C6orf163: variants seen among roughly 807,000 people sequenced by gnomAD.
C6orf163 encodes the protein chromosome 6 open reading frame 163, also known as uncharacterized protein C6orf163.
In C6orf163, 22 loss-of-function variants were observed where a neutral mutation model predicts 28.4. The ratio of observed to expected loss-of-function variants is 0.78; its 90% CI spans 0.55 to 1.11. C6orf163 has a LOEUF of 1.11. C6orf163 is among the 50% of genes least tolerant of loss of function. The pLI, the probability that C6orf163 is intolerant of heterozygous loss-of-function variation, is 0.00. For synonymous variants in C6orf163, 110 were observed against 123.6 expected (o/e 0.89, Z 0.73); for missense variants, 342 against 389.1 (o/e 0.88, Z 1.02).
Position 87,365,104 on chromosome 6 carries a change from A to G in C6orf163, c.698A>G (p.Gln233Arg), listed in dbSNP as rs1481824272. The change falls in exon 5 of 5, where the codon CAG becomes CGG. Residue 233 changes from glutamine (Q) to arginine (R), a missense_variant. Transcript: ENST00000388923. ...CAGAGGCAGAGGCAAGAAGAGGTACAGGAAGTGCTTCAAGAAGCAGAGAAA... is the reference window on the plus strand; with the variant it reads ...CAGAGGCAGAGGCAAGAAGAGGTACGGGAAGTGCTTCAAGAAGCAGAGAAA... ...IAQRQRQEEV[Q>R]EVLQEAEKTH... is the part of the protein sequence containing the mutation. 6.4e-7 allele frequency: 1 copy of G among 1,552,098 alleles called. No individual in the cohort carries two copies. Among genetic ancestry groups the G allele is most frequent in the South Asian group, 1.2e-5 (1 of 84,062 alleles).
At chr6:87,364,170 A>G (rs1777615330) in intron 4 of C6orf163, among the ~76,000 whole-genome samples, 1 of 152,090 alleles carries the variant, frequency 6.6e-6, no homozygotes, top group African/African-American at 2.4e-5. Context: ...CTGTAATCCC[A>G]GCTACTCTGG....
In C6orf163 at chr6:87,348,906, G is replaced by A; in HGVS notation, c.243G>A (p.Gln81=). ...AAGCAGAAGCTGAAGTATGGGCTCA[G>A]GTAAAAGAAGTTACATGTCAACCTA... is the stretch of plus-strand genomic sequence containing the variant. The part of the protein sequence containing the change: ...IAKAEAEVWA[Q]ANERQKQAVE... Residue 81 remains glutamine (Q), a splice_region_variant and synonymous_variant, in exon 2 of 5, where the codon CAG becomes CAA. Coordinates refer to ENST00000388923, the MANE Select transcript of C6orf163 (RefSeq NM_001010868.3). 2 of 1,536,278 alleles carry A rather than the reference G, an allele frequency of 1.3e-6. No individual in the cohort carries two copies. The highest frequency in any genetic ancestry group is 1.7e-6 in the Non-Finnish European group (2 of 1,146,690).
intron 2 of C6orf163, 86 bp from the exon 3 acceptor site, chr6:87,350,308 C>G: frequency 1.2e-6 from 1 of 813,680 alleles, no homozygotes; most frequent in East Asian, 2.8e-5. Flanking sequence ...AACTTGAAAA[C>G]CTGATTTACC....
intron 2 of C6orf163, among the ~76,000 whole-genome samples, chr6:87,349,900 G>GT (rs953538711): frequency 1.3e-5 from 2 of 152,192 alleles, no homozygotes; most frequent in Admixed American, 6.5e-5. Flanking sequence ...TTGAATGTAA[G>GT]TTGGTCTAAT....
At chr6:87,351,843 C>T (rs985703223) in intron 3 of C6orf163, among the ~76,000 whole-genome samples, 2 of 152,212 alleles carry the variant, frequency 1.3e-5, no homozygotes, top group Non-Finnish European at 2.9e-5. Context: ...GCTCTAGTTC[C>T]CTGCTATAAT....
rs756190189 is a variant in C6orf163, at chr6:87,365,346, A to C, written c.940A>C (p.Lys314Gln). 1.2e-5 allele frequency: 18 copies of C among 1,550,606 alleles called. No individual in the cohort carries two copies. In the South Asian group the frequency reaches 2.0e-4, roughly 17 times the overall value. Reference protein sequence around the residue: ...HADFILPERKKTPSNLVIKEN... With the variant: ...HADFILPERKQTPSNLVIKEN... Reference sequence around the variant, plus strand: ...AGATTTTATTCTGCCAGAAAGAAAGAAAACACCTTCTAATCTTGTTATTAA... The same window carrying C: ...AGATTTTATTCTGCCAGAAAGAAAGCAAACACCTTCTAATCTTGTTATTAA... The change falls in exon 5 of 5, where the codon AAA becomes CAA. Residue 314 changes from lysine (K) to glutamine (Q), a missense_variant. By Grantham distance (53) the Lys-to-Gln change is moderately conservative. Coordinates refer to ENST00000388923, the MANE Select transcript of C6orf163 (RefSeq NM_001010868.3).
chr6:87,349,453 A>G (rs1221523637), intron 2 of C6orf163, among the ~76,000 whole-genome samples: 1 of 152,072 alleles, frequency 6.6e-6, no homozygotes, highest in Non-Finnish European at 1.5e-5. Context: ...GCTGAGCACT[A>G]TAAGGGCAAT....
chr6:87,349,655 A>G (rs1777381415), intron 2 of C6orf163, among the ~76,000 whole-genome samples: 1 of 152,238 alleles, frequency 6.6e-6, no homozygotes, highest in South Asian at 2.1e-4. Context: ...CATTATAGCA[A>G]ATAGTATTAG....
chr6:87,356,487 A>G lies in C6orf163; in HGVS notation c.538A>G (p.Ile180Val). The G allele has an allele frequency of 6.4e-7, 1 of 1,551,620 alleles. No individual in the cohort carries two copies. The highest frequency in any genetic ancestry group is 8.7e-7 in the Non-Finnish European group (1 of 1,146,948). The change falls in exon 4 of 5, where the codon ATC becomes GTC. Residue 180 changes from isoleucine (I) to valine (V), a missense_variant. Ile to Val is a conservative substitution (Grantham distance 29, BLOSUM62 3). Coordinates refer to ENST00000388923, the MANE Select transcript of C6orf163 (RefSeq NM_001010868.3). ...AGAAAGACACATCGCCCAGGAAGCA[A>G]TCCAGGCCCAGAAAAGGTATTCCAG... Reference protein sequence around the residue: ...AEERHIAQEAIQAQKSKAVEE... With the variant: ...AEERHIAQEAVQAQKSKAVEE...
At chr6:87,347,446 C>T in intron 1 of C6orf163, 5 of 985,340 alleles carry the variant, frequency 5.1e-6, no homozygotes, top group Non-Finnish European at 6.0e-6. Flanking sequence ...TTATGAAGTT[C>T]AATACGTTGA....
intron 2 of C6orf163, 90 bp downstream of exon 2, chr6:87,348,996 C>T: frequency 6.9e-7 from 1 of 1,453,764 alleles, no homozygotes; most frequent in Non-Finnish European, 9.1e-7. Context: ...GTGTAGTAGT[C>T]AGAACTGACT....
chr6:87,356,781 ATCT>A (rs1204933702), intron 4 of C6orf163: 10 of 331,802 alleles, frequency 3.0e-5, no homozygotes, highest in African/African-American at 1.2e-4. Flanking sequence ...CCTCAATCAT[ATCT>A]TCTTCTTGTC....
Position 87,350,408 on chromosome 6 carries a change from A to G in C6orf163, c.258A>G (p.Gln86=), listed in dbSNP as rs1411729056. The G allele has an allele frequency of 1.1e-5, 17 of 1,532,932 alleles. 2 individuals are homozygous for G. The South Asian group carries it at 1.7e-4, about 15-fold the overall frequency. 95.0% of individuals were successfully genotyped at this position (1,532,932 alleles called of 1,614,324 possible). A position where few individuals can be genotyped will look rare whatever the true frequency, so the allele number is the denominator to read the frequency against. ...AEVWAQANER[Q]KQAVEKALEE... ...TTCTTTCAAAGGCTAATGAACGTCAAAAACAAGCAGTGGAGAAAGCACTTG... is the reference window on the plus strand; with the variant it reads ...TTCTTTCAAAGGCTAATGAACGTCAGAAACAAGCAGTGGAGAAAGCACTTG... Residue 86 remains glutamine, a synonymous_variant, in exon 3 of 5, where the codon CAA becomes CAG. Coordinates refer to ENST00000388923, the MANE Select transcript of C6orf163 (RefSeq NM_001010868.3).
intron 4 of C6orf163, among the ~76,000 whole-genome samples, chr6:87,360,912 G>A (rs557843472): frequency 1.2e-4 from 18 of 152,172 alleles, no homozygotes; most frequent in South Asian, 2.1e-4. Context: ...CACCCTCGAC[G>A]CACTGCACCC....
At chr6:87,347,431 C>G (rs1348005655) in intron 1 of C6orf163, 1 of 985,244 alleles carries the variant, frequency 1.0e-6, no homozygotes, top group Admixed American at 6.1e-5. Context: ...ACTTGTATCA[C>G]ATTTTTATGA....
chr6:87,345,343 A>G (rs967894390), intron 1 of C6orf163, 96 bp downstream of exon 1: 5 of 1,255,402 alleles, frequency 4.0e-6, no homozygotes, highest in Admixed American at 6.4e-5. Context: ...TTTTCTCTTC[A>G]GAGTTGCTTG....
At chr6:87,346,826 T>C (rs1349064041) in intron 1 of C6orf163, among the ~76,000 whole-genome samples, 1 of 152,228 alleles carries the variant, frequency 6.6e-6, no homozygotes, top group Non-Finnish European at 1.5e-5. Context: ...AAATAACCTT[T>C]TTTATTTCAA....
rs921630867 is a variant in C6orf163, at chr6:87,363,331, T to TG, written c.555-1630_555-1629insG. ...ATGACATTAAAACTATTTTCTTTTT[T>TG]TTTTTCCAAATTTTTTAAAAAATTA... On this transcript the variant is annotated intron_variant, in intron 4 of 4. Transcript: ENST00000388923. Among the ~76,000 whole-genome samples, 71 of 151,726 alleles carry TG rather than the reference T, an allele frequency of 4.7e-4. 1 individual carries two copies. Among genetic ancestry groups the TG allele is most frequent in the African/African-American group, 1.7e-3 (70 of 41,376 alleles).
intron 2 of C6orf163, among the ~76,000 whole-genome samples, chr6:87,350,134 A>C (rs1777388273): frequency 6.7e-6 from 1 of 150,266 alleles, no homozygotes; most frequent in Non-Finnish European, 1.5e-5. Context: ...GCCTACATAC[A>C]GTAAAGCTGC....
Sources: gnomAD v4.1 joint callset for allele counts (sites outside exome capture counted in the v4.1 genomes callset) on GRCh38, gnomAD v4.1.1 for gene constraint, MANE v1.5 for transcripts, NCBI Gene and HGNC (gene_info 2026-07-23, HGNC 2026-07-21) for gene names.